The following GRID2 variants were observed in gnomAD, a reference collection of about 807,000 sequenced individuals.
GRID2 encodes the protein glutamate receptor ionotropic, delta-2.
GRID2 carries 33 observed loss-of-function variants against 114.8 expected under a neutral mutation model. The ratio of observed to expected loss-of-function variants is 0.29; its 90% CI spans 0.22 to 0.38. GRID2 has a LOEUF of 0.38. GRID2 is among the 10% of genes least tolerant of loss of function. The pLI is 1.00. For synonymous variants in GRID2, 505 were observed against 449.9 expected (o/e 1.12, Z -1.55); for missense variants, 1,184 against 1,257.7 (o/e 0.94, Z 0.89).
At chr4:93,238,718 C>G (rs996725857) in intron 8 of GRID2, among the ~76,000 whole-genome samples, 1 of 151,710 alleles carries the variant, frequency 6.6e-6, no homozygotes, top group Non-Finnish European at 1.5e-5. Flanking sequence ...AAAAAGTAAT[C>G]TGAATCTTAC....
rs112198389 is a variant in GRID2 at position 92,506,342 on chromosome 4, G to T, written c.89-83789G>T. ...TAGCTTTCTGGACAGAACTTTAAGT[G>T]ACTATGTGACACAATATCTGTATGG... On this transcript the variant is annotated intron_variant, in intron 1 of 15. Coordinates refer to ENST00000282020, the MANE Select transcript of GRID2 (RefSeq NM_001510.4). Among the ~76,000 whole-genome samples the T allele has an allele frequency of 1.5e-3, 226 of 152,116 alleles. 1 individual carries two copies. The highest frequency in any genetic ancestry group is 5.3e-3 in the African/African-American group (219 of 41,554).
intron 2 of GRID2, among the ~76,000 whole-genome samples, chr4:93,035,851 C>A (rs1724886911): frequency 1.3e-5 from 2 of 152,114 alleles, no homozygotes; most frequent in African/African-American, 4.8e-5. Flanking sequence ...GAGTGACATT[C>A]CACTACTCTG....
At chr4:92,668,610 A>G (rs966022330) in intron 2 of GRID2, among the ~76,000 whole-genome samples, 1 of 151,856 alleles carries the variant, frequency 6.6e-6, no homozygotes, top group African/African-American at 2.4e-5. Context: ...TCCTGCTTCT[A>G]TCACAAAACA....
chr4:93,253,025 A>G (rs1264046898), intron 8 of GRID2, among the ~76,000 whole-genome samples: 3 of 151,812 alleles, frequency 2.0e-5, no homozygotes, highest in African/African-American at 7.3e-5. Context: ...TGAGGCAGGC[A>G]GATCACGAGG....
intron 2 of GRID2, among the ~76,000 whole-genome samples, chr4:92,648,576 G>A (rs1297788948): frequency 6.7e-6 from 1 of 149,080 alleles, no homozygotes; most frequent in Non-Finnish European, 1.5e-5. Context: ...ATTCTGTCTG[G>A]GTAGAAAATT....
chr4:93,237,883 A>G (rs943676564), intron 7 of GRID2, among the ~76,000 whole-genome samples: 8 of 151,868 alleles, frequency 5.3e-5, no homozygotes, highest in African/African-American at 1.7e-4. Context: ...CAAAAAAATC[A>G]CCCTCTAATA....
chr4:93,588,718 C>T (rs13115152), intron 13 of GRID2, among the ~76,000 whole-genome samples: 28,812 of 152,112 alleles, frequency 0.19, 3,185 homozygotes, highest in Middle Eastern at 0.3. Flanking sequence ...TGAGCCCTGC[C>T]CCTTCTCCCA....
chr4:93,625,684 G>A (rs1742641422), intron 13 of GRID2, among the ~76,000 whole-genome samples: 1 of 152,240 alleles, frequency 6.6e-6, no homozygotes, highest in Non-Finnish European at 1.5e-5. Context: ...GGGAGGCCGA[G>A]GCGGGCGGAT....
At chr4:92,434,721 TA>T (rs1732646322) in intron 1 of GRID2, among the ~76,000 whole-genome samples, 1 of 152,078 alleles carries the variant, frequency 6.6e-6, no homozygotes, top group Admixed American at 6.6e-5. Context: ...GCAAATTAAA[TA>T]AAGCATTTTC....
rs1416661915 is a variant in GRID2 at position 92,581,676 on chromosome 4, T to A, written c.89-8455T>A. ...ATTCAAACATAAATCTCTGGAGAAATCTCTGGAGACAGTACTGAAAATTTC... is the reference window on the plus strand; with the variant it reads ...ATTCAAACATAAATCTCTGGAGAAAACTCTGGAGACAGTACTGAAAATTTC... On this transcript the variant is annotated intron_variant, in intron 1 of 15. Transcript: ENST00000282020. 2.0e-5 allele frequency among the ~76,000 whole-genome samples: 3 copies of A among 152,228 alleles called. No homozygotes were observed. In the East Asian group the frequency reaches 5.8e-4, roughly 29 times the overall value.
intron 8 of GRID2, among the ~76,000 whole-genome samples, chr4:93,350,544 T>C (rs1309226716): frequency 2.0e-5 from 3 of 152,042 alleles, no homozygotes; most frequent in Non-Finnish European, 4.4e-5. Flanking sequence ...AGCAAAAAGC[T>C]TGAGAAGTAG....
At chr4:93,801,588 T>C (rs1235250069) in intron 1 of GRID2, among the ~76,000 whole-genome samples, 3 of 152,228 alleles carry the variant, frequency 2.0e-5, no homozygotes, top group Non-Finnish European at 4.4e-5. Flanking sequence ...GTAGACTTTC[T>C]ATTAATAATG....
intron 10 of GRID2, among the ~76,000 whole-genome samples, chr4:93,446,852 A>C (rs1316129868): frequency 6.6e-6 from 1 of 151,602 alleles, no homozygotes; most frequent in Non-Finnish European, 1.5e-5. Flanking sequence ...ACATTTTACA[A>C]CTCTATTAAA....
At chr4:92,540,869 A>G (rs895616720) in intron 1 of GRID2, among the ~76,000 whole-genome samples, 3 of 151,696 alleles carry the variant, frequency 2.0e-5, no homozygotes, top group Admixed American at 6.6e-5. Context: ...CACTATTCAC[A>G]ATAGCAAAGA....
chr4:93,044,574 A>T (rs2149273103), intron 2 of GRID2, among the ~76,000 whole-genome samples: 1 of 152,318 alleles, frequency 6.6e-6, no homozygotes, highest in Non-Finnish European at 1.5e-5. Flanking sequence ...ATCTATATTA[A>T]TGTTGAAAAA....
intron 14 of GRID2, among the ~76,000 whole-genome samples, chr4:93,645,385 A>G (rs1722016905): frequency 6.6e-6 from 1 of 152,164 alleles, no homozygotes; most frequent in Non-Finnish European, 1.5e-5. Flanking sequence ...GGAATATGAC[A>G]AAGAAATGAC....
chr4:93,809,854 T>G (rs886613607), exon 2 of GRID2: 4 of 152,202 alleles, frequency 2.6e-5, no homozygotes, highest in Admixed American at 2.6e-4. Context: ...GTGTCTTATA[T>G]TGTAGTTTAC....
At chr4:93,007,417 G>T (rs1040779171) in intron 2 of GRID2, among the ~76,000 whole-genome samples, 2 of 152,062 alleles carry the variant, frequency 1.3e-5, no homozygotes, top group African/African-American at 4.8e-5. Flanking sequence ...TTAGGTTGTC[G>T]TGAGAAATCT....
chr4:92,825,489 C>T (rs1418080688), intron 2 of GRID2, among the ~76,000 whole-genome samples: 3 of 152,126 alleles, frequency 2.0e-5, no homozygotes, highest in Non-Finnish European at 2.9e-5. Context: ...TGGCCAAATG[C>T]CATAAACAGA....
Sources: allele counts gnomAD v4.1 joint callset (sites outside exome capture counted in the v4.1 genomes callset), GRCh38; gene constraint gnomAD v4.1.1; transcripts MANE v1.5; gene names NCBI Gene and HGNC (gene_info 2026-07-23, HGNC 2026-07-21).